Variants in CTIF observed in about 807,000 individuals in gnomAD.
CTIF encodes the protein cap binding complex dependent translation initiation factor.
CTIF carries 21 observed loss-of-function variants against 66.0 expected under a neutral mutation model. That is an observed-to-expected ratio of 0.32 (90% CI 0.23 to 0.46). The LOEUF is 0.46. Among genes scored for constraint, CTIF ranks in the 20% least tolerant of loss-of-function variants. The probability of loss-of-function intolerance (pLI) is 1.00; values close to 1 mark genes in which losing one functional copy is unlikely to be tolerated. For missense variants in CTIF, 739 were observed against 812.7 expected (o/e 0.91, Z 1.10); for synonymous variants, 345 against 326.4 (o/e 1.06, Z -0.62).
At chr18:48,547,176 A>G (rs1470398389) in intron 1 of CTIF, among the ~76,000 whole-genome samples, 1 of 152,110 alleles carries the variant, frequency 6.6e-6, no homozygotes, top group African/African-American at 2.4e-5. Flanking sequence ...CAGCTGCACA[A>G]CTCGGGGAGG....
intron 3 of CTIF, among the ~76,000 whole-genome samples, chr18:48,649,260 C>A (rs562491644): frequency 6.6e-6 from 1 of 152,338 alleles, no homozygotes; most frequent in African/African-American, 2.4e-5. Context: ...CCAAATACTG[C>A]ACTTTTCCAA....
chr18:48,595,638 G>C (rs1347599754), intron 1 of CTIF, among the ~76,000 whole-genome samples: 1 of 152,136 alleles, frequency 6.6e-6, no homozygotes, highest in African/African-American at 2.4e-5. Flanking sequence ...TGTTGCCCAT[G>C]CTGGTCTCGA....
chr18:48,713,947 C>G (rs762826913), intron 7 of CTIF, among the ~76,000 whole-genome samples: 1 of 152,230 alleles, frequency 6.6e-6, no homozygotes, highest in Non-Finnish European at 1.5e-5. Flanking sequence ...CTTCTAGATG[C>G]GGTAGAATCC....
chr18:48,774,750 G>A (rs755861056), intron 9 of CTIF, among the ~76,000 whole-genome samples: 3 of 152,160 alleles, frequency 2.0e-5, no homozygotes, highest in Non-Finnish European at 4.4e-5. Flanking sequence ...ACCATGTCAT[G>A]CCCCTGCCTC....
intron 7 of CTIF, among the ~76,000 whole-genome samples, chr18:48,756,567 CATT>C (rs1432758803): frequency 2.0e-5 from 3 of 152,212 alleles, no homozygotes; most frequent in Non-Finnish European, 4.4e-5. Flanking sequence ...TAGAAGCTAA[CATT>C]ATCTTTCTGC....
intron 2 of CTIF, among the ~76,000 whole-genome samples, chr18:48,627,332 C>T (rs1236474173): frequency 1.3e-5 from 2 of 152,108 alleles, no homozygotes; most frequent in African/African-American, 4.8e-5. Flanking sequence ...CAGTTTCTCA[C>T]AGGGAAAGAC....
intron 9 of CTIF, among the ~76,000 whole-genome samples, chr18:48,764,030 G>A (rs1288283639): frequency 1.3e-5 from 2 of 151,818 alleles, no homozygotes; most frequent in African/African-American, 4.8e-5. Flanking sequence ...CCCCCCATCA[G>A]CCAGGCTGAA....
chr18:48,548,803 T>C (rs953884158), intron 1 of CTIF, among the ~76,000 whole-genome samples: 2 of 152,260 alleles, frequency 1.3e-5, no homozygotes, highest in Admixed American at 6.5e-5. Flanking sequence ...ACATGGTATC[T>C]GCAGTGGGTC....
intron 2 of CTIF, among the ~76,000 whole-genome samples, chr18:48,634,789 G>T (rs1390191703): frequency 6.6e-6 from 1 of 152,186 alleles, no homozygotes; most frequent in Non-Finnish European, 1.5e-5. Context: ...CTTCTCTAGG[G>T]CTCCACTGAC....
chr18:48,658,593 A>C (rs368176465), intron 3 of CTIF, among the ~76,000 whole-genome samples: 237 of 152,030 alleles, frequency 1.6e-3, no homozygotes, highest in African/African-American at 5.5e-3. Context: ...CATACCATGC[A>C]TGTGTGTGTA....
chr18:48,602,830 AATGGATGGATGGATGGATGAATGG>A (rs1423726785), intron 1 of CTIF, among the ~76,000 whole-genome samples: 4 of 146,846 alleles, frequency 2.7e-5, no homozygotes, highest in South Asian at 4.4e-4. Context: ...TGGGTGGATG[AATGGATGGATGGATGGATGAATGG>A]ATGGATGGAT....
At chr18:48,678,314 G>A (rs547046312) in intron 6 of CTIF, among the ~76,000 whole-genome samples, 43 of 152,146 alleles carry the variant, frequency 2.8e-4, no homozygotes, top group African/African-American at 9.9e-4. Context: ...AATCAGACAG[G>A]TTTGTAGTGG....
At chr18:48,808,539 T>A (rs1183762008) in intron 9 of CTIF, among the ~76,000 whole-genome samples, 1 of 150,074 alleles carries the variant, frequency 6.7e-6, no homozygotes, top group South Asian at 2.1e-4. Context: ...TTTTTAACAT[T>A]TGACTCTTTA....
intron 1 of CTIF, among the ~76,000 whole-genome samples, chr18:48,602,476 G>A (rs1598722920): frequency 6.6e-6 from 1 of 152,208 alleles, no homozygotes; most frequent in East Asian, 1.9e-4. Context: ...TTATGGCATA[G>A]CTTAATTGAC....
chr18:48,616,533 C>T (rs2090403588), intron 1 of CTIF, among the ~76,000 whole-genome samples: 1 of 152,168 alleles, frequency 6.6e-6, no homozygotes, highest in African/African-American at 2.4e-5. Flanking sequence ...TCGTGCAGAC[C>T]TGGAACTCTC....
chr18:48,655,236 C>T (rs1299263338), intron 3 of CTIF, among the ~76,000 whole-genome samples: 3 of 148,792 alleles, frequency 2.0e-5, no homozygotes, highest in Middle Eastern at 3.4e-3. Flanking sequence ...ACCTGGGAGG[C>T]CGAGGTTGCA....
intron 3 of CTIF, among the ~76,000 whole-genome samples, chr18:48,659,354 C>T (rs2144859038): frequency 6.6e-6 from 1 of 152,260 alleles, no homozygotes; most frequent in Admixed American, 6.5e-5. Flanking sequence ...GATGCCTTGC[C>T]CACTGCTCTC....
intron 10 of CTIF, among the ~76,000 whole-genome samples, chr18:48,854,205 G>C (rs561852758): frequency 2.0e-5 from 3 of 152,228 alleles, no homozygotes; most frequent in East Asian, 1.9e-4. Flanking sequence ...ATGTGCATGG[G>C]GGGGAAAGCA....
chr18:48,854,307 G>C (rs1168687325), intron 10 of CTIF, among the ~76,000 whole-genome samples: 1 of 152,170 alleles, frequency 6.6e-6, no homozygotes, highest in African/African-American at 2.4e-5. Flanking sequence ...AGCCTTAAAG[G>C]ATGGAGAGAG....
Sources: allele counts gnomAD v4.1 joint callset (sites outside exome capture counted in the v4.1 genomes callset), GRCh38; gene constraint gnomAD v4.1.1; transcripts MANE v1.5; gene names NCBI Gene and HGNC (gene_info 2026-07-23, HGNC 2026-07-21).